The following FAXDC2 variants were observed in gnomAD, a reference collection of about 807,000 sequenced individuals.
FAXDC2 encodes fatty acid hydroxylase domain-containing protein 2.
A neutral mutation model predicts 40.9 loss-of-function variants in FAXDC2; 41 were observed. The ratio of observed to expected loss-of-function variants is 1.00; its 90% confidence interval spans 0.78 to 1.30. FAXDC2 has a LOEUF of 1.30. Ranked by LOEUF, FAXDC2 falls within the 50% of genes most tolerant of loss-of-function variation. FAXDC2 has a pLI of 0.00. For missense variants in FAXDC2, 390 were observed against 408.8 expected (o/e 0.95, Z 0.40); for synonymous variants, 157 against 149.3 (o/e 1.05, Z -0.38).
At chr5:154,830,767 C>CTG in intron 5 of FAXDC2, 34 bp downstream of exon 5, 1 of 1,608,244 alleles carries the variant, frequency 6.2e-7, no homozygotes, top group African/African-American at 1.4e-5. Flanking sequence ...CTCTTGCTTT[C>CTG]TGTGCTTTGA....
intron 1 of FAXDC2, among the ~76,000 whole-genome samples, chr5:154,844,237 C>T (rs188154660): frequency 6.6e-6 from 1 of 151,376 alleles, no homozygotes; most frequent in Non-Finnish European, 1.5e-5. Flanking sequence ...AAAGACCAGC[C>T]TGGAAAACAT....
At chr5:154,845,101 A>T (rs567073370) in intron 1 of FAXDC2, among the ~76,000 whole-genome samples, 2 of 152,320 alleles carry the variant, frequency 1.3e-5, no homozygotes, top group South Asian at 4.2e-4. Flanking sequence ...ATATGGCCAT[A>T]TGCAATTTCC....
intron 4 of FAXDC2, among the ~76,000 whole-genome samples, chr5:154,833,732 G>C (rs1561656680): frequency 1.3e-5 from 2 of 150,462 alleles, no homozygotes; most frequent in African/African-American, 4.9e-5. Context: ...GCAGTGTCAT[G>C]ATCTTGGCTC....
intron 5 of FAXDC2, chr5:154,824,494 T>C (rs1273148238): frequency 1.4e-6 from 1 of 702,570 alleles, no homozygotes; most frequent in Admixed American, 2.0e-5. Flanking sequence ...CTGCATGCAT[T>C]AACTGATTTC....
chr5:154,820,135 C>CAGT lies in FAXDC2; in HGVS notation c.*178_*180dup, dbSNP rs986336914. 5 of 592,212 alleles carry CAGT rather than the reference C, an allele frequency of 8.4e-6. No homozygotes were observed. The African/African-American group carries it at 9.4e-5, about 11-fold the overall frequency. 36.7% of individuals were successfully genotyped at this position (592,212 alleles called of 1,614,324 possible). A position where few individuals can be genotyped will look rare whatever the true frequency, so the allele number is the denominator to read the frequency against. On this transcript the variant is annotated 3_prime_UTR_variant, in exon 9 of 9. Transcript: ENST00000326080. ...TGATCCCATTGAGGGACATCAAGGG[C>CAGT]AGTAGTTTGAAGAAAGCCTCATCCT...
chr5:154,836,329 TCTC>T (rs796837819), intron 2 of FAXDC2: 7 of 152,224 alleles, frequency 4.6e-5, no homozygotes, highest in African/African-American at 1.7e-4. Flanking sequence ...CCTTGTATAT[TCTC>T]CTCCAAAAGG....
intron 8 of FAXDC2, 81 bp downstream of exon 8, chr5:154,821,179 A>G: frequency 1.7e-6 from 2 of 1,173,302 alleles, no homozygotes; most frequent in African/African-American, 1.6e-5. Context: ...AAACTGAGAT[A>G]CCAGTGCCTG....
At chr5:154,836,724 C>T (rs757728039) in intron 2 of FAXDC2, among the ~76,000 whole-genome samples, 10 of 152,054 alleles carry the variant, frequency 6.6e-5, no homozygotes, top group Non-Finnish European at 1.2e-4. Context: ...AGTCTCGGCT[C>T]ACTGCAATCT....
Position 154,821,484 on chromosome 5 carries a change from G to C in FAXDC2, c.679-58C>G, listed in dbSNP as rs1422414449. Reference sequence around the variant, plus strand: ...CAGGGAGATGAAGGGACTTAGTTGGGTATACACTTAGTCCCAAGGTGGTAC... The same window carrying C: ...CAGGGAGATGAAGGGACTTAGTTGGCTATACACTTAGTCCCAAGGTGGTAC... On this transcript the variant is annotated intron_variant, in intron 7 of 8. Coordinates refer to ENST00000326080, the MANE Select transcript of FAXDC2 (RefSeq NM_032385.5). 14 of 1,420,058 alleles carry C rather than the reference G, an allele frequency of 9.9e-6. No individual in the cohort carries two copies. The Admixed American group carries it at 3.2e-4, about 32-fold the overall frequency. The allele number at this position is 1,420,058 out of a possible 1,614,324, so 88.0% of individuals were successfully genotyped here. A position where few individuals can be genotyped will look rare whatever the true frequency, so the allele number is the denominator to read the frequency against.
chr5:154,845,973 TA>T (rs1192320301), intron 1 of FAXDC2, among the ~76,000 whole-genome samples: 19 of 150,396 alleles, frequency 1.3e-4, no homozygotes, highest in African/African-American at 3.4e-4. Flanking sequence ...TATATATATA[TA>T]TTTTTTTTTA....
chr5:154,827,102 C>G (rs985802636), intron 5 of FAXDC2, among the ~76,000 whole-genome samples: 1 of 151,974 alleles, frequency 6.6e-6, no homozygotes, highest in Non-Finnish European at 1.5e-5. Context: ...GCCAGGAGTT[C>G]GAGACCAGCC....
At chr5:154,824,689 C>T (rs931575763) in intron 5 of FAXDC2, 5 of 637,136 alleles carry the variant, frequency 7.8e-6, no homozygotes, top group Non-Finnish European at 1.4e-5. Context: ...ATGTAGCACT[C>T]AGTGTACTGG....
rs189745637 is a variant in FAXDC2, at chr5:154,840,251, T to A, written c.1-2073A>T. On this transcript the variant is annotated intron_variant, in intron 1 of 8. Transcript: ENST00000326080. ...CTGCTCCCCTTTGACCCATTTTTTT[T>A]ATTATTATTTTTATTTTAATAACGA... Among the ~76,000 whole-genome samples the A allele has an allele frequency of 5.8e-3, 879 of 151,254 alleles. 6 individuals are homozygous for A. The highest frequency in any genetic ancestry group is 0.019 in the African/African-American group (782 of 40,570).
At chr5:154,834,093 ATAAT>A (rs1420676829) in intron 4 of FAXDC2, among the ~76,000 whole-genome samples, 1 of 149,110 alleles carries the variant, frequency 6.7e-6, no homozygotes, top group African/African-American at 2.4e-5. Flanking sequence ...TAAATTGTAT[ATAAT>A]TATTATTTGA....
Position 154,841,079 on chromosome 5 carries a change from T to C in FAXDC2, c.1-2901A>G, listed in dbSNP as rs76763416. On this transcript the variant is annotated intron_variant, in intron 1 of 8. Transcript: ENST00000326080. ...GATATCCTGCCAGGGAGACACTGTC[T>C]GACTTGAGAGCAGGCACCAGGATGT... Among the ~76,000 whole-genome samples, 278 of 152,264 alleles carry C rather than the reference T, an allele frequency of 1.8e-3. 4 individuals are homozygous for C. In the East Asian group the frequency reaches 0.024, roughly 13 times the overall value.
chr5:154,824,256 T>G (rs1222527667), intron 5 of FAXDC2: 1 of 554,966 alleles, frequency 1.8e-6, no homozygotes, highest in Non-Finnish European at 3.2e-6. Flanking sequence ...AGCCAATATT[T>G]CCCCCAGAAT....
At chr5:154,831,182 T>C in intron 4 of FAXDC2, 2 of 371,466 alleles carry the variant, frequency 5.4e-6, no homozygotes, top group Non-Finnish European at 1.0e-5. Flanking sequence ...TAAATACATA[T>C]GAAAGTATGT....
intron 1 of FAXDC2, among the ~76,000 whole-genome samples, chr5:154,840,416 G>T (rs942936879): frequency 1.3e-5 from 2 of 151,888 alleles, no homozygotes; most frequent in Admixed American, 1.3e-4. Flanking sequence ...AGGAGATGGG[G>T]TCTCACCATG....
In FAXDC2 at chr5:154,820,058, G is replaced by A. The variant is rs139953518; in HGVS notation, c.*258C>T. The A allele has an allele frequency of 3.1e-3, 1,133 of 368,156 alleles. 12 individuals carry two copies. Among genetic ancestry groups the A allele is most frequent in the African/African-American group, 0.02 (919 of 46,928 alleles). 22.8% of individuals were successfully genotyped at this position (368,156 alleles called of 1,614,324 possible). A position where few individuals can be genotyped will look rare whatever the true frequency, so the allele number is the denominator to read the frequency against. ...AGAGGACCAGGGGTCTCCTCCCTCT[G>A]ACCAGCCTCCAGTCTGGGGAGCTGT... On this transcript the variant is annotated 3_prime_UTR_variant, in exon 9 of 9. Transcript: ENST00000326080.
Sources: allele counts gnomAD v4.1 joint callset (sites outside exome capture counted in the v4.1 genomes callset), GRCh38; gene constraint gnomAD v4.1.1; transcripts MANE v1.5; gene names NCBI Gene and HGNC (gene_info 2026-07-23, HGNC 2026-07-21).